Variants in COL16A1 observed in about 807,000 individuals in gnomAD.
COL16A1 encodes collagen alpha-1(XVI) chain.
COL16A1 carries 189 observed loss-of-function variants against 266.3 expected under a neutral mutation model. The ratio of observed to expected loss-of-function variants is 0.71; its 90% CI spans 0.63 to 0.80. The LOEUF is 0.80. Among genes scored for constraint, COL16A1 ranks in the 30% least tolerant of loss-of-function variants. The pLI, the probability that COL16A1 is intolerant of heterozygous loss-of-function variation, is 0.00. For missense variants in COL16A1, 1,928 were observed against 2,122.4 expected (o/e 0.91, Z 1.80); for synonymous variants, 740 against 782.3 (o/e 0.95, Z 0.90).
chr1:31,656,441 G>T lies in COL16A1; in HGVS notation c.4060C>A (p.Pro1354Thr), dbSNP rs767372292. The T allele has an allele frequency of 3.1e-6, 5 of 1,612,606 alleles. No homozygotes were observed. In the South Asian group the frequency reaches 3.3e-5, roughly 11 times the overall value. ...GTDGAAGKEG[P>T]PGKQGFYGPP... ...CCATAGAATCCCTGCTTTCCAGGGG[G>T]TCCCTAGAGGAAAGCAAAAGTCAGA... The change falls in exon 66 of 71, where the codon CCC becomes ACC. Residue 1354 changes from proline (P) to threonine (T), a missense_variant. Coordinates refer to ENST00000373672, the MANE Select transcript of COL16A1 (RefSeq NM_001856.4). The surrounding 1 kb of genome is among the most constrained non-coding windows in gnomAD (Gnocchi z 4.2).
chr1:31,696,330 C>A (rs909573454), intron 8 of COL16A1, among the ~76,000 whole-genome samples, 189 bp from the exon 9 acceptor site: 7 of 140,020 alleles, frequency 5.0e-5, no homozygotes, highest in East Asian at 2.6e-4. Flanking sequence ...CCTTCCCCCC[C>A]CACCCACCCA....
At chr1:31,694,626 T>C (rs1644415455) in intron 11 of COL16A1, among the ~76,000 whole-genome samples, 1 of 152,140 alleles carries the variant, frequency 6.6e-6, no homozygotes, top group African/African-American at 2.4e-5. Context: ...CAACTCAGAA[T>C]GTTAGGCCCC....
At chr1:31,703,450 C>T (rs550908322) in intron 1 of COL16A1, among the ~76,000 whole-genome samples, 12 of 152,266 alleles carry the variant, frequency 7.9e-5, no homozygotes, top group South Asian at 2.1e-4. Context: ...AGCTCTCAAA[C>T]CCTATCCTGG....
At chr1:31,671,346 G>A (rs1323480823) in intron 48 of COL16A1, among the ~76,000 whole-genome samples, 1 of 152,228 alleles carries the variant, frequency 6.6e-6, no homozygotes, top group Non-Finnish European at 1.5e-5. Flanking sequence ...AAGCGCAGCA[G>A]AGGGTGGGGA....
chr1:31,689,156 C>T (rs1228026540), intron 23 of COL16A1, 71 bp from the exon 24 acceptor site: 41 of 1,608,434 alleles, frequency 2.5e-5, no homozygotes, highest in South Asian at 2.4e-4. Context: ...TGGCAATATG[C>T]GAGGACAGCA....
intron 23 of COL16A1, chr1:31,689,403 C>A: frequency 1.8e-6 from 1 of 569,800 alleles, no homozygotes; most frequent in Non-Finnish European, 3.1e-6. Context: ...CCCAGTCCTG[C>A]TCACTCCTTT....
At position 31,662,656 on chromosome 1, in the gene COL16A1, G is replaced by C; in HGVS notation, c.3558C>G (p.Gly1186=). 1 of 1,539,802 alleles carries C rather than the reference G, an allele frequency of 6.5e-7. No homozygotes were observed. The highest frequency in any genetic ancestry group is 8.8e-7 in the Non-Finnish European group (1 of 1,142,618). ...PGPPGPQAEK[G]SEGIRGPSGL... The stretch of plus-strand genomic sequence containing the variant: ...CTGATGGGCCTCGAATCCCTTCGCT[G>C]CCCTGGAAACCAGCGCCGCCCCCCC... The change falls in exon 57 of 71, where the codon GGC becomes GGG. Residue 1186 remains glycine, a splice_region_variant and synonymous_variant. Coordinates refer to ENST00000373672, the MANE Select transcript of COL16A1 (RefSeq NM_001856.4).
chr1:31,671,811 C>G, intron 47 of COL16A1, 152 bp from the exon 48 acceptor site: 1 of 882,494 alleles, frequency 1.1e-6, no homozygotes, highest in Non-Finnish European at 1.8e-6. Flanking sequence ...TTCGAACAAT[C>G]TTTCATTTGG....
rs574364666 is a variant in COL16A1, at chr1:31,675,511, G to A, written c.2773-200C>T. 4.9e-4 allele frequency among the ~76,000 whole-genome samples: 74 copies of A among 152,188 alleles called. 1 individual carries two copies. The highest frequency in any genetic ancestry group is 1.7e-3 in the African/African-American group (70 of 41,510). ...GAAAGCCAGGGAGGCCCAGAAGAGCGACCCCCCAAACCGTCCAACAGCAAG... is the reference window on the plus strand; with the variant it reads ...GAAAGCCAGGGAGGCCCAGAAGAGCAACCCCCCAAACCGTCCAACAGCAAG... On this transcript the variant is annotated intron_variant, in intron 42 of 70. Transcript: ENST00000373672.
At chr1:31,696,879 T>A in intron 8 of COL16A1, 84 bp downstream of exon 8, 1 of 1,590,544 alleles carries the variant, frequency 6.3e-7, no homozygotes, top group South Asian at 1.1e-5. Flanking sequence ...CAACTGACCC[T>A]GGTGGCAGAC....
At chr1:31,671,541 C>T (rs1642704226) in intron 48 of COL16A1, 74 bp downstream of exon 48, 1 of 1,592,566 alleles carries the variant, frequency 6.3e-7, no homozygotes, top group Non-Finnish European at 8.6e-7. Flanking sequence ...GGGGACAAGG[C>T]CGCGGGATGG....
rs1644569161 is a variant in COL16A1, at chr1:31,697,942, A to G, written c.621T>C (p.Phe207=). 6.2e-7 allele frequency: 1 copy of G among 1,612,746 alleles called. No homozygotes were observed. Among genetic ancestry groups the G allele is most frequent in the Non-Finnish European group, 8.5e-7 (1 of 1,179,938 alleles). Residue 207 remains phenylalanine (F), a synonymous_variant, in exon 6 of 71, where the codon TTT becomes TTC. Coordinates refer to ENST00000373672, the MANE Select transcript of COL16A1 (RefSeq NM_001856.4). This position sits in a 1 kb window ranked among gnomAD's most constrained non-coding sequence, Gnocchi z 4.2. The part of the protein sequence containing the change: ...RRPMRPVGHV[F]LGLDAEQGKP... Reference sequence around the variant, plus strand: ...TGCCCTGCTCAGCATCCAAGCCTAGAAATACATGGCCCACAGGCCTCATGG... The same window carrying G: ...TGCCCTGCTCAGCATCCAAGCCTAGGAATACATGGCCCACAGGCCTCATGG...
At position 31,698,749 on chromosome 1, in the gene COL16A1, C is replaced by T. The variant is rs1016632488; in HGVS notation, c.267-143G>A. On this transcript the variant is annotated intron_variant, in intron 4 of 70. Transcript: ENST00000373672. This position sits in a 1 kb window ranked among gnomAD's most constrained non-coding sequence, Gnocchi z 4.1. Reference sequence around the variant, plus strand: ...CATATACATTCATTCACTCTCCATACCTTTACTGAGTGCCTTCCGCGAGCT... The same window carrying T: ...CATATACATTCATTCACTCTCCATATCTTTACTGAGTGCCTTCCGCGAGCT... 1 of 1,362,610 alleles carries T rather than the reference C, an allele frequency of 7.3e-7. No individual in the cohort carries two copies. Among genetic ancestry groups the T allele is most frequent in the Non-Finnish European group, 9.8e-7 (1 of 1,022,096 alleles). The allele number at this position is 1,362,610 out of a possible 1,614,324, so 84.4% of individuals were successfully genotyped here.
At chr1:31,662,537 C>A (rs1557618165) in intron 57 of COL16A1, 50 bp downstream of exon 57, 2 of 1,548,772 alleles carry the variant, frequency 1.3e-6, no homozygotes, top group South Asian at 2.4e-5. Context: ...GCACCACACA[C>A]ATGCGCATGC....
intron 23 of COL16A1, chr1:31,689,500 C>T (rs189320041): frequency 3.5e-6 from 2 of 577,984 alleles, no homozygotes; most frequent in East Asian, 5.7e-5. Context: ...CAAAAGGCAC[C>T]CTAGAGTCTC....
intron 62 of COL16A1, chr1:31,660,232 C>A: frequency 4.7e-6 from 1 of 212,144 alleles, no homozygotes; most frequent in Non-Finnish European, 9.3e-6. Flanking sequence ...ACCTATTTAC[C>A]CAGTTGCCCA....
At chr1:31,654,605 C>A (rs1175344215) in intron 68 of COL16A1, among the ~76,000 whole-genome samples, 187 bp downstream of exon 68, 1 of 152,104 alleles carries the variant, frequency 6.6e-6, no homozygotes, top group Non-Finnish European at 1.5e-5. Context: ...TATCTCTGAA[C>A]AGAACAGGTG....
rs1642800793 is a variant in COL16A1 at position 31,672,403 on chromosome 1, T to G, written c.3105+13A>C. On this transcript the variant is annotated intron_variant, in intron 47 of 70. Transcript: ENST00000373672. ...CAGCTCCCTTGAGGATGAATCCCCA[T>G]CCCTGGTCTTACCTCTTCTCCTCTC... The G allele has an allele frequency of 6.2e-7, 1 of 1,613,852 alleles. No homozygotes were observed. Among genetic ancestry groups the G allele is most frequent in the Non-Finnish European group, 8.5e-7 (1 of 1,179,950 alleles).
Position 31,672,592 on chromosome 1 carries a change from T to C in COL16A1, c.3018+4A>G. 1 of 1,607,624 alleles carries C rather than the reference T, an allele frequency of 6.2e-7. No homozygotes were observed. Among genetic ancestry groups the C allele is most frequent in the East Asian group, 2.2e-5 (1 of 44,752 alleles). ...GATCGGGGGAGATAAGGCGAGGCAC[T>C]CACCCGGGCCTCCTCGGCTCTTGGG... On this transcript the variant is annotated splice_donor_region_variant and intron_variant, in intron 46 of 70. Coordinates refer to ENST00000373672, the MANE Select transcript of COL16A1 (RefSeq NM_001856.4).
Sources: gnomAD v4.1 joint callset for allele counts (sites outside exome capture counted in the v4.1 genomes callset) on GRCh38, gnomAD v4.1.1 for gene constraint, Gnocchi (gnomAD v3.1) non-coding constraint, MANE v1.5 for transcripts, NCBI Gene and HGNC (gene_info 2026-07-23, HGNC 2026-07-21) for gene names.